The following LRRC1 variants were observed in gnomAD, a reference collection of about 807,000 sequenced individuals.
LRRC1 encodes leucine rich repeat containing 1.
In LRRC1, 28 loss-of-function variants were observed where a neutral mutation model predicts 69.9. The ratio of observed to expected loss-of-function variants is 0.40; its 90% CI spans 0.30 to 0.55. The LOEUF is 0.55. LRRC1 is among the 20% of genes least tolerant of loss of function. The probability of loss-of-function intolerance (pLI) is 0.47; values close to 1 mark genes in which losing one functional copy is unlikely to be tolerated. For missense variants in LRRC1, 498 were observed against 609.0 expected, an observed-to-expected ratio of 0.82 and a Z score of 1.92; for synonymous variants, 236 against 240.2, an observed-to-expected ratio of 0.98 and a Z score of 0.16.
At position 53,918,312 on chromosome 6, in the gene LRRC1, A is replaced by G. The variant is rs373816787; in HGVS notation, c.1107-1186A>G. 1.6e-4 allele frequency among the ~76,000 whole-genome samples: 25 copies of G among 152,368 alleles called. No homozygotes were observed. In the East Asian group the frequency reaches 4.6e-3, roughly 28 times the overall value. On this transcript the variant is annotated intron_variant, in intron 11 of 13. Transcript: ENST00000370888. Reference sequence around the variant, plus strand: ...CAATACATATGCATGAGATGGACTCAGGCTTTACTGGACTAATTGTTAAGG... The same window carrying G: ...CAATACATATGCATGAGATGGACTCGGGCTTTACTGGACTAATTGTTAAGG...
rs1767886268 is a variant in LRRC1, at chr6:53,896,731, A to G, written c.504-98A>G. 27 of 994,908 alleles carry G rather than the reference A, an allele frequency of 2.7e-5. No individual in the cohort carries two copies. In the South Asian group the frequency reaches 3.9e-4, roughly 14 times the overall value. The allele number at this position is 994,908 out of a possible 1,614,324, so 61.6% of individuals were successfully genotyped here. A position where few individuals can be genotyped will look rare whatever the true frequency, so the allele number is the denominator to read the frequency against. On this transcript the variant is annotated intron_variant, in intron 5 of 13. Transcript: ENST00000370888. ...AATATTTTCTACCATAAAAATAAAA[A>G]TGGACCTTATTTTTGAAGCTAGTCC...
rs199887947 is a variant in LRRC1 at position 53,812,932 on chromosome 6, A to AT, written c.159+17526dup. Among the ~76,000 whole-genome samples the AT allele has an allele frequency of 7.8e-4, 118 of 150,756 alleles. 2 individuals carry two copies. Among genetic ancestry groups the AT allele is most frequent in the African/African-American group, 2.5e-3 (101 of 41,030 alleles). The stretch of plus-strand genomic sequence containing the variant: ...AAGTTTTGGTGGTGCCAGGCTTCTG[A>AT]TTTTTTTTTCCTCTAGAGTGCTCAA... On this transcript the variant is annotated intron_variant, in intron 1 of 13. Coordinates refer to ENST00000370888, the MANE Select transcript of LRRC1 (RefSeq NM_018214.5).
At chr6:53,917,941 A>C (rs563711909) in intron 11 of LRRC1, among the ~76,000 whole-genome samples, 2 of 152,340 alleles carry the variant, frequency 1.3e-5, no homozygotes, top group African/African-American at 4.8e-5. Flanking sequence ...CATTCTTTGG[A>C]TAGAAAGAGA....
intron 1 of LRRC1, among the ~76,000 whole-genome samples, chr6:53,805,098 TCG>T (rs1764600313): frequency 6.6e-6 from 1 of 152,170 alleles, no homozygotes; most frequent in Non-Finnish European, 1.5e-5. Context: ...GGAAAAGGCC[TCG>T]GGTAGGCTTT....
intron 13 of LRRC1, among the ~76,000 whole-genome samples, chr6:53,921,810 C>T (rs945348268): frequency 6.6e-6 from 1 of 152,056 alleles, no homozygotes; most frequent in Non-Finnish European, 1.5e-5. Flanking sequence ...CATTTACAAT[C>T]GTAAAGGGCA....
At chr6:53,863,506 C>T (rs1479007750) in intron 2 of LRRC1, among the ~76,000 whole-genome samples, 4 of 152,196 alleles carry the variant, frequency 2.6e-5, no homozygotes, top group Non-Finnish European at 4.4e-5. Flanking sequence ...TATGTTCAAG[C>T]CCTCCCTTCA....
At position 53,923,828 on chromosome 6, in the gene LRRC1, C is replaced by T. The variant is rs1330462249; in HGVS notation, c.*1035C>T. The T allele has an allele frequency of 6.6e-6, 1 of 152,556 alleles. No homozygotes were observed. Among genetic ancestry groups the T allele is most frequent in the Non-Finnish European group, 1.5e-5 (1 of 68,024 alleles). The allele number at this position is 152,556 out of a possible 1,614,324, so 9.5% of individuals were successfully genotyped here. ...TTTAAAAGTTTTATATCCAGATATA[C>T]AACCACAATAAAGCAAAATAACCTA... On this transcript the variant is annotated 3_prime_UTR_variant, in exon 14 of 14. Transcript: ENST00000370888.
At chr6:53,893,742 G>T (rs1176003303) in intron 4 of LRRC1, among the ~76,000 whole-genome samples, 1 of 152,022 alleles carries the variant, frequency 6.6e-6, no homozygotes, top group Non-Finnish European at 1.5e-5. Flanking sequence ...GATATTTTTT[G>T]TTGTTGATGT....
At chr6:53,822,646 A>G (rs921716758) in intron 1 of LRRC1, among the ~76,000 whole-genome samples, 3 of 152,206 alleles carry the variant, frequency 2.0e-5, no homozygotes, top group South Asian at 2.1e-4. Context: ...TGGTTCACGC[A>G]GGATTACCAG....
At chr6:53,885,894 CA>C (rs977979059) in intron 4 of LRRC1, among the ~76,000 whole-genome samples, 5 of 152,102 alleles carry the variant, frequency 3.3e-5, no homozygotes, top group African/African-American at 1.2e-4. Context: ...TACGGCTCTC[CA>C]GGTCCCAGTC....
chr6:53,803,831 G>C (rs1405213809), intron 1 of LRRC1, among the ~76,000 whole-genome samples: 2 of 152,154 alleles, frequency 1.3e-5, no homozygotes, highest in Non-Finnish European at 1.5e-5. Flanking sequence ...CTCCTTGATT[G>C]TGTGGCTGAA....
chr6:53,905,148 A>AG (rs1337527538), intron 10 of LRRC1: 1 of 152,032 alleles, frequency 6.6e-6, no homozygotes, highest in African/African-American at 2.4e-5. Flanking sequence ...TCAAACAAGG[A>AG]GGTGTCTAGT....
chr6:53,812,186 G>A (rs1055752888), intron 1 of LRRC1, among the ~76,000 whole-genome samples: 1 of 152,326 alleles, frequency 6.6e-6, no homozygotes, highest in Non-Finnish European at 1.5e-5. Context: ...GGAGTGTCTT[G>A]TTAGACACTG....
intron 7 of LRRC1, among the ~76,000 whole-genome samples, chr6:53,898,831 C>T (rs1231067699): frequency 2.0e-5 from 3 of 152,166 alleles, no homozygotes; most frequent in Non-Finnish European, 4.4e-5. Context: ...AAGAATAGAT[C>T]AGACCAAATT....
intron 7 of LRRC1, 97 bp from the exon 8 acceptor site, chr6:53,899,650 C>A: frequency 1.6e-6 from 2 of 1,219,624 alleles, no homozygotes; most frequent in Non-Finnish European, 2.3e-6. Context: ...ATCCTTAGGA[C>A]CGCCCTGGGA....
intron 1 of LRRC1, among the ~76,000 whole-genome samples, chr6:53,832,172 C>T (rs1375864546): frequency 1.3e-5 from 2 of 151,932 alleles, no homozygotes; most frequent in African/African-American, 2.4e-5. Flanking sequence ...GTTTTTTTCT[C>T]GGAAGAAGCA....
In LRRC1 at chr6:53,892,011, TACACAC is replaced by T. The variant is rs70980877; in HGVS notation, c.447-4455_447-4450del. ...TGTCTAAAAAAAAAATATATATATA[TACACAC>T]ACACACACACACACACACACACACA... On this transcript the variant is annotated intron_variant, in intron 4 of 13. Transcript: ENST00000370888. Among the ~76,000 whole-genome samples, 396 of 135,256 alleles carry T rather than the reference TACACAC, an allele frequency of 2.9e-3. 3 individuals are homozygous for T. The highest frequency in any genetic ancestry group is 0.012 in the Middle Eastern group (3 of 258). 88.7% of individuals were successfully genotyped at this position (135,256 alleles called of 152,430 possible).
intron 4 of LRRC1, among the ~76,000 whole-genome samples, chr6:53,885,141 A>G (rs1767431663): frequency 6.6e-6 from 1 of 152,250 alleles, no homozygotes; most frequent in South Asian, 2.1e-4. Flanking sequence ...CTCACATACC[A>G]GAAAGAAACA....
chr6:53,901,036 G>T (rs1015933377), intron 8 of LRRC1, among the ~76,000 whole-genome samples: 1 of 130,152 alleles, frequency 7.7e-6, no homozygotes, highest in Admixed American at 8.4e-5. Flanking sequence ...AACCCAGCTG[G>T]AAAATCGGTA....
Sources: allele counts gnomAD v4.1 joint callset (sites outside exome capture counted in the v4.1 genomes callset), GRCh38; gene constraint gnomAD v4.1.1; transcripts MANE v1.5; gene names NCBI Gene and HGNC (gene_info 2026-07-23, HGNC 2026-07-21).